OSCP1: variants seen among roughly 807,000 people sequenced by gnomAD.
OSCP1 encodes organic solute carrier partner 1.
In OSCP1, 35 loss-of-function variants were observed where a neutral mutation model predicts 45.1. The ratio of observed to expected loss-of-function variants is 0.78; its 90% CI spans 0.59 to 1.03. The LOEUF (loss-of-function observed/expected upper bound fraction) is 1.03, where lower values mean the gene tolerates loss of function less well. Ranked by LOEUF, OSCP1 falls within the 50% of genes least tolerant of loss-of-function variation. OSCP1 has a pLI of 0.00. For synonymous variants in OSCP1, 179 were observed against 180.1 expected (o/e 0.99, Z 0.05); for missense variants, 400 against 470.7 (o/e 0.85, Z 1.39).
At chr1:36,428,781 C>T (rs1648150991) in intron 4 of OSCP1, among the ~76,000 whole-genome samples, 1 of 152,088 alleles carries the variant, frequency 6.6e-6, no homozygotes, top group African/African-American at 2.4e-5. Context: ...CCCATCTCTA[C>T]TAAAAATACA....
At chr1:36,429,247 C>T (rs1648182146) in intron 4 of OSCP1, among the ~76,000 whole-genome samples, 2 of 152,024 alleles carry the variant, frequency 1.3e-5, no homozygotes, top group South Asian at 2.1e-4. Context: ...ATTAGCCAGG[C>T]GTGGTGGCAT....
chr1:36,418,030 G>T lies in OSCP1; in HGVS notation c.*109C>A. 1.3e-6 allele frequency: 1 copy of T among 785,868 alleles called. No individual in the cohort carries two copies. Among genetic ancestry groups the T allele is most frequent in the Non-Finnish European group, 2.1e-6 (1 of 484,134 alleles). 48.7% of individuals were successfully genotyped at this position (785,868 alleles called of 1,614,324 possible). ...ACATAAATAAGAAATAGACGTAATG[G>T]CTTCACTCAGTAGAAAACTAGCAGC... On this transcript the variant is annotated 3_prime_UTR_variant, in exon 10 of 10. Transcript: ENST00000235532.
At chr1:36,425,550 T>C (rs755842255) in intron 4 of OSCP1, among the ~76,000 whole-genome samples, 5 of 151,932 alleles carry the variant, frequency 3.3e-5, no homozygotes, top group Non-Finnish European at 5.9e-5. Context: ...CTGGCCAACA[T>C]GGTGAAACCC....
chr1:36,445,488 G>C (rs555099559), intron 1 of OSCP1, among the ~76,000 whole-genome samples: 11 of 152,322 alleles, frequency 7.2e-5, no homozygotes, highest in Admixed American at 2.6e-4. Flanking sequence ...AATACCAAAA[G>C]CTCCCAAGAG....
At chr1:36,432,129 C>T (rs1648405423) in intron 3 of OSCP1, among the ~76,000 whole-genome samples, 1 of 152,074 alleles carries the variant, frequency 6.6e-6, no homozygotes, top group Non-Finnish European at 1.5e-5. Flanking sequence ...GAGCCTGTTC[C>T]CCAAGATTTA....
chr1:36,450,359 C>T lies in OSCP1; in HGVS notation c.11G>A (p.Arg4Gln). The T allele has an allele frequency of 6.2e-7, 1 of 1,613,706 alleles. No individual in the cohort carries two copies. Among genetic ancestry groups the T allele is most frequent in the Non-Finnish European group, 8.5e-7 (1 of 1,179,726 alleles). MSV[R>Q]TLPLLFLNLG... Reference sequence around the variant, plus strand: ...GTTCAAGAAGAGCAGCGGTAGCGTCCGCACCGACATGGTGCTGGAAACGAG... The same window carrying T: ...GTTCAAGAAGAGCAGCGGTAGCGTCTGCACCGACATGGTGCTGGAAACGAG... Residue 4 changes from arginine (R) to glutamine (Q), a missense_variant, in exon 1 of 10, where the codon CGG (arginine) becomes CAG (glutamine). Transcript: ENST00000235532.
At chr1:36,439,382 G>A (rs2124804299) in intron 1 of OSCP1, among the ~76,000 whole-genome samples, 1 of 152,196 alleles carries the variant, frequency 6.6e-6, no homozygotes, top group South Asian at 2.1e-4. Flanking sequence ...AATTAGCTGG[G>A]TGTGGTGGCG....
chr1:36,448,575 G>A (rs1649676834), intron 1 of OSCP1, among the ~76,000 whole-genome samples: 1 of 152,236 alleles, frequency 6.6e-6, no homozygotes. Context: ...CTGAGGAGCA[G>A]GCATGGGGTG....
rs1007524321 is a variant in OSCP1 at position 36,423,366 on chromosome 1, A to G, written c.617T>C (p.Ile206Thr). 1 of 1,602,764 alleles carries G rather than the reference A, an allele frequency of 6.2e-7. No individual in the cohort carries two copies. Among genetic ancestry groups the G allele is most frequent in the Non-Finnish European group, 8.5e-7 (1 of 1,169,770 alleles). The change falls in exon 5 of 10, where the codon ATC (isoleucine) becomes ACC (threonine). Residue 206 changes from isoleucine (I) to threonine (T), a missense_variant. Coordinates refer to ENST00000235532, the MANE Select transcript of OSCP1 (RefSeq NM_145047.5). ...CTGATCATTGTTGGGAATTCACCTG[A>G]TGAGTCCTGGAACTTCAGTTCCCCA... Reference protein sequence around the residue: ...VPWGTEVPGLIRMFNNKGEEV... With the variant: ...VPWGTEVPGLTRMFNNKGEEV...
Position 36,423,540 on chromosome 1 carries a change from T to C in OSCP1, c.517-74A>G, listed in dbSNP as rs950946749. On this transcript the variant is annotated intron_variant, in intron 4 of 9. Transcript: ENST00000235532. ...ACATCAATATTCTGAGGGTGGAAAG[T>C]GCGTAATGGTTTGGGAACATGACCT... 32 of 1,218,520 alleles carry C rather than the reference T, an allele frequency of 2.6e-5. No individual in the cohort carries two copies. In the African/African-American group the frequency reaches 4.2e-4, roughly 16 times the overall value. 75.5% of individuals were successfully genotyped at this position (1,218,520 alleles called of 1,614,324 possible).
At chr1:36,441,434 T>C (rs755038967) in intron 1 of OSCP1, among the ~76,000 whole-genome samples, 6 of 152,096 alleles carry the variant, frequency 3.9e-5, no homozygotes, top group Non-Finnish European at 7.4e-5. Flanking sequence ...AGGTTAAACC[T>C]GAGAAATAGT....
At chr1:36,422,019 A>G (rs1647646147) in intron 7 of OSCP1, 131 bp downstream of exon 7, 1 of 829,202 alleles carries the variant, frequency 1.2e-6, no homozygotes, top group African/African-American at 1.7e-5. Context: ...GTAAGGTGGA[A>G]TGGAGAAGAT....
At chr1:36,450,206 AG>A in intron 1 of OSCP1, 51 bp downstream of exon 1, 1 of 1,465,212 alleles carries the variant, frequency 6.8e-7, no homozygotes, top group Non-Finnish European at 9.5e-7. Context: ...CGATGATGAG[AG>A]GGCCGGGCTG....
At chr1:36,429,384 TC>T (rs1648195587) in intron 4 of OSCP1, among the ~76,000 whole-genome samples, 1 of 117,804 alleles carries the variant, frequency 8.5e-6, no homozygotes, top group Non-Finnish European at 1.8e-5. Flanking sequence ...AGAACCTGTC[TC>T]AAAAAAAAAA....
intron 4 of OSCP1, among the ~76,000 whole-genome samples, chr1:36,424,298 C>G (rs550289741): frequency 6.6e-6 from 1 of 152,268 alleles, no homozygotes; most frequent in Admixed American, 6.5e-5. Flanking sequence ...CCTATTACCC[C>G]CATTTTAAAG....
chr1:36,421,298 C>T (rs1340533572), intron 7 of OSCP1, among the ~76,000 whole-genome samples: 1 of 152,134 alleles, frequency 6.6e-6, no homozygotes. Context: ...TGATCCGTTA[C>T]GTAAGCCTCG....
rs1647371012 is a variant in OSCP1, at chr1:36,417,910, G to A, written c.*229C>T. 2.4e-6 allele frequency: 1 copy of A among 410,292 alleles called. No homozygotes were observed. The highest frequency in any genetic ancestry group is 2.1e-5 in the African/African-American group (1 of 48,732). The allele number at this position is 410,292 out of a possible 1,614,324, so 25.4% of individuals were successfully genotyped here. ...TTAAGAATAAAATGGGAAAGGTCAA[G>A]TTTAAAAGTCAGAATATATTTCACT... On this transcript the variant is annotated 3_prime_UTR_variant, in exon 10 of 10. Coordinates refer to ENST00000235532, the MANE Select transcript of OSCP1 (RefSeq NM_145047.5).
chr1:36,444,772 C>T (rs769408466), intron 1 of OSCP1, among the ~76,000 whole-genome samples: 1 of 152,160 alleles, frequency 6.6e-6, no homozygotes, highest in Non-Finnish European at 1.5e-5. Context: ...CCTGGCTCTA[C>T]TTACTGGCTA....
chr1:36,425,484 C>T (rs1647908890), intron 4 of OSCP1, among the ~76,000 whole-genome samples: 1 of 152,072 alleles, frequency 6.6e-6, no homozygotes. Context: ...CCAGTAATCC[C>T]AGCACTTTGG....
Sources: allele counts gnomAD v4.1 joint callset (sites outside exome capture counted in the v4.1 genomes callset), GRCh38; gene constraint gnomAD v4.1.1; transcripts MANE v1.5; gene names NCBI Gene and HGNC (gene_info 2026-07-23, HGNC 2026-07-21).